The following ELAVL3 variants were observed in gnomAD, a reference collection of about 807,000 sequenced individuals.
ELAVL3 encodes the protein ELAV like RNA binding protein 3.
ELAVL3 carries 8 observed loss-of-function variants against 34.2 expected under a neutral mutation model. The observed-to-expected ratio is 0.23, with a 90% CI of 0.14 to 0.42. The LOEUF (loss-of-function observed/expected upper bound fraction) is 0.42, where lower values mean the gene tolerates loss of function less well. Among genes scored for constraint, ELAVL3 ranks in the 10% least tolerant of loss-of-function variants. The pLI, the probability that ELAVL3 is intolerant of heterozygous loss-of-function variation, is 1.00. For synonymous variants in ELAVL3, 209 were observed against 222.1 expected (o/e 0.94, Z 0.53); for missense variants, 273 against 518.8 (o/e 0.53, Z 4.60).
Position 11,454,798 on chromosome 19 carries a change from C to T in ELAVL3, c.832G>A (p.Gly278Ser), listed in dbSNP as rs777611965. ...ATGCACCAGCCGGCGCCCGCCGCGC[C>T]CCCCGACAGGCCCACGCCCGCCAGG... ...SGLAGVGLSG[G>S]AAGAGWCIFV... The change falls in exon 7 of 7, where the codon GGC becomes AGC. Residue 278 changes from glycine (G) to serine (S), a missense_variant. Gly to Ser is a moderately conservative substitution (Grantham distance 56). Transcript: ENST00000359227. This position sits in a 1 kb window ranked among gnomAD's most constrained non-coding sequence, Gnocchi z 9.2. The T allele has an allele frequency of 1.2e-6, 2 of 1,612,776 alleles. No homozygotes were observed. Among genetic ancestry groups the T allele is most frequent in the South Asian group, 1.1e-5 (1 of 91,048 alleles).
chr19:11,460,474 T>G (rs1460492707), intron 3 of ELAVL3, among the ~76,000 whole-genome samples: 1 of 151,990 alleles, frequency 6.6e-6, no homozygotes, highest in Non-Finnish European at 1.5e-5. Flanking sequence ...GCCAAAGTCC[T>G]TTCCTTGGAC....
intron 1 of ELAVL3, among the ~76,000 whole-genome samples, chr19:11,468,721 C>T (rs572787580): frequency 2.6e-5 from 4 of 152,276 alleles, no homozygotes; most frequent in East Asian, 3.9e-4. Flanking sequence ...CCACCACGCC[C>T]GGCCCTTTAT....
At chr19:11,470,648 C>A (rs1481993371) in intron 1 of ELAVL3, among the ~76,000 whole-genome samples, 1 of 152,032 alleles carries the variant, frequency 6.6e-6, no homozygotes, top group Non-Finnish European at 1.5e-5. Flanking sequence ...TGCACTCCAG[C>A]CTGGGCAACA....
At chr19:11,456,399 C>T (rs1320480760) in intron 6 of ELAVL3, among the ~76,000 whole-genome samples, 4 of 152,156 alleles carry the variant, frequency 2.6e-5, no homozygotes, top group Admixed American at 6.5e-5. Flanking sequence ...CCACCGCGCC[C>T]GGCCTCTGTT....
chr19:11,478,036 C>T (rs560853104), intron 1 of ELAVL3, among the ~76,000 whole-genome samples: 62 of 152,134 alleles, frequency 4.1e-4, no homozygotes, highest in Non-Finnish European at 7.4e-4. Flanking sequence ...CATTGACCTC[C>T]CACAACCACA....
chr19:11,478,571 A>G lies in ELAVL3; in HGVS notation c.9+2029T>C, dbSNP rs1971307144. ...AGATGGAGGGTTAGGGAAGCTTCCCATTCTCTCCAGTGCTTCTTCTAAGTC... is the reference window on the plus strand; with the variant it reads ...AGATGGAGGGTTAGGGAAGCTTCCCGTTCTCTCCAGTGCTTCTTCTAAGTC... On this transcript the variant is annotated intron_variant, in intron 1 of 6. Transcript: ENST00000359227. 2.0e-5 allele frequency among the ~76,000 whole-genome samples: 3 copies of G among 151,824 alleles called. No individual in the cohort carries two copies. In the South Asian group the frequency reaches 6.2e-4, roughly 32 times the overall value.
intron 6 of ELAVL3, among the ~76,000 whole-genome samples, chr19:11,456,226 TC>T (rs1970765820): frequency 6.6e-6 from 1 of 150,772 alleles, no homozygotes; most frequent in South Asian, 2.1e-4. Context: ...TGCCTCAGCC[TC>T]CCGAGTAGCT....
At chr19:11,464,258 T>C (rs1970964243) in intron 3 of ELAVL3, among the ~76,000 whole-genome samples, 2 of 149,928 alleles carry the variant, frequency 1.3e-5, no homozygotes, top group South Asian at 4.2e-4. Context: ...CCGCCTCAGC[T>C]TAAGTGATCC....
chr19:11,463,453 G>A (rs1321911287), intron 3 of ELAVL3, among the ~76,000 whole-genome samples: 1 of 152,144 alleles, frequency 6.6e-6, no homozygotes, highest in South Asian at 2.1e-4. Flanking sequence ...ACGTTCAGGA[G>A]GGAGTCTCAG....
At chr19:11,460,888 A>G (rs1970868564) in intron 3 of ELAVL3, among the ~76,000 whole-genome samples, 1 of 151,998 alleles carries the variant, frequency 6.6e-6, no homozygotes, top group African/African-American at 2.4e-5. Flanking sequence ...GCAGTGGCTC[A>G]TGGCTGTAAT....
chr19:11,474,952 T>C (rs1277808905), intron 1 of ELAVL3, among the ~76,000 whole-genome samples: 14 of 152,110 alleles, frequency 9.2e-5, no homozygotes. Context: ...CCTCAGCCTC[T>C]GGAGTAGCTG....
chr19:11,464,677 A>ACACACAT (rs1568382366), intron 3 of ELAVL3, among the ~76,000 whole-genome samples: 1 of 91,572 alleles, frequency 1.1e-5, no homozygotes, highest in Non-Finnish European at 2.3e-5. Flanking sequence ...CACACATCAC[A>ACACACAT]CACACACCCC....
At chr19:11,467,900 C>T (rs1971088334) in intron 1 of ELAVL3, among the ~76,000 whole-genome samples, 1 of 152,162 alleles carries the variant, frequency 6.6e-6, no homozygotes, top group African/African-American at 2.4e-5. Flanking sequence ...AGCAATCCTC[C>T]CACCTCAGCC....
At chr19:11,476,100 C>T (rs2144913938) in intron 1 of ELAVL3, among the ~76,000 whole-genome samples, 1 of 152,344 alleles carries the variant, frequency 6.6e-6, no homozygotes, top group South Asian at 2.1e-4. Context: ...ACATGCACTG[C>T]ACAGCTCTGC....
intron 1 of ELAVL3, among the ~76,000 whole-genome samples, chr19:11,474,335 G>A (rs1202822877): frequency 1.3e-5 from 2 of 152,092 alleles, no homozygotes; most frequent in African/African-American, 4.8e-5. Context: ...GGTTGCTCAC[G>A]TCTGTAATCC....
intron 3 of ELAVL3, among the ~76,000 whole-genome samples, chr19:11,461,009 C>CAA (rs535847241): frequency 1.7e-4 from 15 of 89,842 alleles, no homozygotes; most frequent in South Asian, 3.9e-4. Context: ...ACAACCTCTA[C>CAA]AAAAAAAAAA....
chr19:11,464,026 A>T (rs1970947223), intron 3 of ELAVL3, among the ~76,000 whole-genome samples: 2 of 151,002 alleles, frequency 1.3e-5, no homozygotes, highest in Admixed American at 1.3e-4. Flanking sequence ...CTACAGACAC[A>T]TAGGGATATA....
Position 11,480,343 on chromosome 19 carries a change from G to A in ELAVL3, c.9+257C>T, listed in dbSNP as rs994372774. On this transcript the variant is annotated intron_variant, in intron 1 of 6. Transcript: ENST00000359227. This position sits in a 1 kb window ranked among gnomAD's most constrained non-coding sequence, Gnocchi z 6.8. The stretch of plus-strand genomic sequence containing the variant: ...GGCCTGCTGGAGAGGGGGCAATCCC[G>A]CCTCCAGGGCGGCGTCGGACGCCTC... The A allele has an allele frequency of 1.3e-5, 5 of 399,112 alleles. No individual in the cohort carries two copies. Among genetic ancestry groups the A allele is most frequent in the African/African-American group, 1.0e-4 (5 of 48,270 alleles). The allele number at this position is 399,112 out of a possible 1,614,324, so 24.7% of individuals were successfully genotyped here. A position where few individuals can be genotyped will look rare whatever the true frequency, so the allele number is the denominator to read the frequency against.
Position 11,480,724 on chromosome 19 carries a change from C to A in ELAVL3, c.-116G>T, listed in dbSNP as rs971493611. ...CCGCCCGGGCGGCCTCTGGTGCGGC[C>A]GCTGCAGATGTGGCGATGAAGGCGG... is the stretch of plus-strand genomic sequence containing the variant. On this transcript the variant is annotated 5_prime_UTR_variant, in exon 1 of 7. Transcript: ENST00000359227. The surrounding 1 kb of genome is among the most constrained non-coding windows in gnomAD (Gnocchi z 6.8). The A allele has an allele frequency of 3.1e-5, 32 of 1,046,866 alleles. No individual in the cohort carries two copies. Among genetic ancestry groups the A allele is most frequent in the Non-Finnish European group, 4.1e-5 (32 of 775,838 alleles). 64.8% of individuals were successfully genotyped at this position (1,046,866 alleles called of 1,614,324 possible). A position where few individuals can be genotyped will look rare whatever the true frequency, so the allele number is the denominator to read the frequency against.
Sources: gnomAD v4.1 joint callset for allele counts (sites outside exome capture counted in the v4.1 genomes callset) on GRCh38, gnomAD v4.1.1 for gene constraint, Gnocchi (gnomAD v3.1) non-coding constraint, MANE v1.5 for transcripts, NCBI Gene and HGNC (gene_info 2026-07-23, HGNC 2026-07-21) for gene names.